ATXN7: variants seen among roughly 807,000 people sequenced by gnomAD.
ATXN7 encodes the protein ataxin 7.
ATXN7 carries 12 observed loss-of-function variants against 70.5 expected under a neutral mutation model. The observed-to-expected ratio is 0.17, with a 90% confidence interval of 0.11 to 0.28. The LOEUF is 0.28. Ranked by LOEUF, ATXN7 falls within the 10% of genes least tolerant of loss-of-function variation. The pLI, the probability that ATXN7 is intolerant of heterozygous loss-of-function variation, is 1.00. For synonymous variants in ATXN7, 498 were observed against 448.7 expected, an observed-to-expected ratio of 1.11 and a Z score of -1.39; for missense variants, 1,256 against 1,131.7, an observed-to-expected ratio of 1.11 and a Z score of -1.58.
At chr3:63,990,129 T>C in intron 9 of ATXN7, 47 bp from the exon 10 acceptor site, 1 of 1,585,562 alleles carries the variant, frequency 6.3e-7, no homozygotes, top group South Asian at 1.1e-5. Context: ...AGGTGGCTGA[T>C]TCCCAGGTGT....
chr3:63,973,333 C>T (rs577307788), intron 5 of ATXN7, among the ~76,000 whole-genome samples: 4 of 152,236 alleles, frequency 2.6e-5, no homozygotes, highest in African/African-American at 4.8e-5. Context: ...GAGAGTGACT[C>T]GAAGCATGCA....
In ATXN7 at chr3:64,003,256, G is replaced by C. The variant is rs1016647641; in HGVS notation, c.*3789G>C. ...AGCTTGGTTATAAAAGCAATCTCCT[G>C]TGTTAAAAACGTGTGAATAGTTTGA... On this transcript the variant is annotated 3_prime_UTR_variant, in exon 13 of 13. Coordinates refer to ENST00000674280, the MANE Select transcript of ATXN7 (RefSeq NM_001377405.1). 9.4e-6 allele frequency: 1 copy of C among 106,146 alleles called. No individual in the cohort carries two copies. The highest frequency in any genetic ancestry group is 3.8e-5 in the African/African-American group (1 of 26,264). The allele number at this position is 106,146 out of a possible 1,614,324, so 6.6% of individuals were successfully genotyped here. A position where few individuals can be genotyped will look rare whatever the true frequency, so the allele number is the denominator to read the frequency against.
intron 11 of ATXN7, among the ~76,000 whole-genome samples, chr3:63,991,225 C>T (rs1281398418): frequency 6.6e-6 from 1 of 152,014 alleles, no homozygotes; most frequent in African/African-American, 2.4e-5. Flanking sequence ...AACTATACAC[C>T]AAACAACTTA....
intron 5 of ATXN7, among the ~76,000 whole-genome samples, chr3:63,970,181 A>G (rs1195810829): frequency 6.6e-6 from 1 of 152,222 alleles, no homozygotes; most frequent in Non-Finnish European, 1.5e-5. Context: ...AGGTGGCATA[A>G]ACAGTTGGAT....
Position 63,998,010 on chromosome 3 carries a change from G to A in ATXN7, c.2662-1440G>A, listed in dbSNP as rs868683511. The stretch of plus-strand genomic sequence containing the variant: ...CTCATTACAGTTTATAAGCATAACA[G>A]TCCAATATAAACACAGAAGACATGG... On this transcript the variant is annotated intron_variant, in intron 12 of 12. Transcript: ENST00000674280. 1.3e-5 allele frequency: 13 copies of A among 985,360 alleles called. No homozygotes were observed. The Middle Eastern group carries it at 2.6e-3, about 198-fold the overall frequency. 61.0% of individuals were successfully genotyped at this position (985,360 alleles called of 1,614,324 possible). A position where few individuals can be genotyped will look rare whatever the true frequency, so the allele number is the denominator to read the frequency against.
intron 5 of ATXN7, among the ~76,000 whole-genome samples, chr3:63,972,696 G>A (rs1228834237): frequency 6.6e-6 from 1 of 152,138 alleles, no homozygotes; most frequent in Non-Finnish European, 1.5e-5. Flanking sequence ...TTTGTTTGGT[G>A]TGAATTTGCT....
intron 5 of ATXN7, among the ~76,000 whole-genome samples, chr3:63,973,640 C>T (rs372416755): frequency 6.6e-6 from 1 of 152,100 alleles, no homozygotes; most frequent in East Asian, 1.9e-4. Flanking sequence ...GTTGTACCTG[C>T]GTTTGGCAGT....
chr3:63,963,126 G>T (rs560884174), intron 5 of ATXN7, among the ~76,000 whole-genome samples: 139 of 152,094 alleles, frequency 9.1e-4, no homozygotes, highest in Admixed American at 2.2e-3. Flanking sequence ...ATGTTGCCCA[G>T]GCTGGTCTCA....
intron 1 of ATXN7, among the ~76,000 whole-genome samples, chr3:63,874,248 G>C (rs754480509): frequency 7.2e-5 from 11 of 152,318 alleles, no homozygotes; most frequent in Non-Finnish European, 1.3e-4. Flanking sequence ...AGAACCCAGT[G>C]AGATAAAGTT....
At chr3:63,927,695 T>C (rs559919845) in intron 4 of ATXN7, among the ~76,000 whole-genome samples, 1 of 152,230 alleles carries the variant, frequency 6.6e-6, no homozygotes, top group South Asian at 2.1e-4. Flanking sequence ...AACTCTGTGC[T>C]TTTTTCCAGC....
chr3:63,922,818 A>C (rs914817930), intron 4 of ATXN7, among the ~76,000 whole-genome samples: 6 of 152,174 alleles, frequency 3.9e-5, no homozygotes, highest in African/African-American at 7.2e-5. Flanking sequence ...TTTTAATGGA[A>C]AAAATTATTA....
chr3:63,903,099 A>G (rs2107273537), intron 2 of ATXN7, among the ~76,000 whole-genome samples: 1 of 152,158 alleles, frequency 6.6e-6, no homozygotes, highest in Non-Finnish European at 1.5e-5. Context: ...TTTTCACAAA[A>G]ATAGGCACAT....
intron 4 of ATXN7, among the ~76,000 whole-genome samples, chr3:63,914,813 A>G (rs1338426677): frequency 6.6e-6 from 1 of 152,136 alleles, no homozygotes; most frequent in Non-Finnish European, 1.5e-5. Context: ...TTTTTGCTAG[A>G]TATATTATTT....
intron 5 of ATXN7, chr3:63,968,274 A>T (rs2075258948): frequency 3.1e-6 from 1 of 322,408 alleles, no homozygotes; most frequent in Admixed American, 4.7e-5. Flanking sequence ...CTGAAATGTC[A>T]TTTGAGTGAT....
chr3:63,881,979 TG>T (rs1445801322), intron 1 of ATXN7, among the ~76,000 whole-genome samples: 2 of 152,216 alleles, frequency 1.3e-5, no homozygotes, highest in African/African-American at 4.8e-5. Context: ...GAGTCCATCT[TG>T]GGGGCAGAAG....
chr3:63,937,784 T>C (rs2074689489), intron 4 of ATXN7, among the ~76,000 whole-genome samples: 1 of 152,174 alleles, frequency 6.6e-6, no homozygotes, highest in Non-Finnish European at 1.5e-5. Context: ...CCTTTAACAC[T>C]AGCCCCACCT....
intron 5 of ATXN7, among the ~76,000 whole-genome samples, chr3:63,966,368 A>C (rs1016952728): frequency 6.6e-6 from 1 of 152,070 alleles, no homozygotes; most frequent in Non-Finnish European, 1.5e-5. Context: ...ACAGCCATGG[A>C]ATTTTTTTTT....
At chr3:63,926,966 T>G (rs979994834) in intron 4 of ATXN7, among the ~76,000 whole-genome samples, 2 of 152,190 alleles carry the variant, frequency 1.3e-5, no homozygotes, top group African/African-American at 4.8e-5. Flanking sequence ...GCTTCCACCT[T>G]CATCCATGTC....
rs113542310 is a variant in ATXN7, at chr3:63,922,584, G to A, written c.394+9359G>A. Among the ~76,000 whole-genome samples the A allele has an allele frequency of 3.0e-3, 461 of 152,148 alleles. 7 individuals are homozygous for A. Among genetic ancestry groups the A allele is most frequent in the African/African-American group, 0.011 (448 of 41,484 alleles). On this transcript the variant is annotated intron_variant, in intron 4 of 12. Coordinates refer to ENST00000674280, the MANE Select transcript of ATXN7 (RefSeq NM_001377405.1). ...TTCTGGGCAAAAAAGGTAAATTATA[G>A]GCAATGTAATAAAGTCATCATGAAG...
Sources: gnomAD v4.1 joint callset for allele counts (sites outside exome capture counted in the v4.1 genomes callset) on GRCh38, gnomAD v4.1.1 for gene constraint, MANE v1.5 for transcripts, NCBI Gene and HGNC (gene_info 2026-07-23, HGNC 2026-07-21) for gene names.